SPATA31E1: variants seen among roughly 807,000 people sequenced by gnomAD.
SPATA31E1 encodes SPATA31 subfamily E member 1.
In SPATA31E1, 7 loss-of-function variants were observed where a neutral mutation model predicts 12.9. The observed-to-expected ratio is 0.54, with a 90% CI of 0.31 to 1.02. The LOEUF (loss-of-function observed/expected upper bound fraction) is 1.02. SPATA31E1 is among the 50% of genes least tolerant of loss of function. SPATA31E1 has a pLI of 0.05. For synonymous variants in SPATA31E1, 771 were observed against 719.0 expected (o/e 1.07, Z -1.16); for missense variants, 1,961 against 1,799.8 (o/e 1.09, Z -1.62).
Position 87,888,590 on chromosome 9 carries a change from G to T in SPATA31E1, c.4103G>T (p.Arg1368Leu). The T allele has an allele frequency of 6.2e-7, 1 of 1,614,102 alleles. No homozygotes were observed. The highest frequency in any genetic ancestry group is 8.5e-7 in the Non-Finnish European group (1 of 1,180,018). Residue 1368 changes from arginine to leucine, a missense_variant, in exon 4 of 4, where the codon CGT becomes CTT. Physicochemically the swap from Arg to Leu is moderately radical, Grantham distance 102 (BLOSUM62 -2). Coordinates refer to ENST00000325643, the MANE Select transcript of SPATA31E1 (RefSeq NM_178828.5). ...CACAGGGGTCACTGCCACCAAGAAC[G>T]TAGCAGAGAGATGAGAGCTCTGGCC... ...CCHRGHCHQE[R>L]SREMRALACS...
chr9:87,886,646 A>C lies in SPATA31E1; in HGVS notation c.2159A>C (p.Gln720Pro). 6.2e-7 allele frequency: 1 copy of C among 1,614,002 alleles called. No homozygotes were observed. Among genetic ancestry groups the C allele is most frequent in the Non-Finnish European group, 8.5e-7 (1 of 1,180,014 alleles). Residue 720 changes from glutamine to proline, a missense_variant, in exon 4 of 4, where the codon CAA becomes CCA. Physicochemically the swap from Gln to Pro is moderately conservative, Grantham distance 76. Coordinates refer to ENST00000325643, the MANE Select transcript of SPATA31E1 (RefSeq NM_178828.5). ...CTAGGGCCGGACCCAAGCCGGGATC[A>C]AGGCTCAGGAAGGACCTCAGTGAAG... ...SKLGPDPSRDQGSGRTSVKAL... is the reference protein window; with the variant it reads ...SKLGPDPSRDPGSGRTSVKAL...
Position 87,888,760 on chromosome 9 carries a change from A to G in SPATA31E1, c.4273A>G (p.Thr1425Ala), listed in dbSNP as rs760655884. 1.9e-6 allele frequency: 3 copies of G among 1,613,008 alleles called. No individual in the cohort carries two copies. The highest frequency in any genetic ancestry group is 2.5e-6 in the Non-Finnish European group (3 of 1,179,914). ...CCACCACAGGCCAAGAATGGCAAGC[A>G]CCTCGGGCGGCCCCCATCCACAGCT... ...PHHHRPRMAS[T>A]SGGPHPQLQE... Residue 1425 changes from threonine (T) to alanine (A), a missense_variant, in exon 4 of 4, where the codon ACC (threonine) becomes GCC (alanine). Coordinates refer to ENST00000325643, the MANE Select transcript of SPATA31E1 (RefSeq NM_178828.5).
At chr9:87,884,737 G>C in intron 3 of SPATA31E1, 86 bp downstream of exon 3, 1 of 1,558,426 alleles carries the variant, frequency 6.4e-7, no homozygotes, top group Non-Finnish European at 8.8e-7. Flanking sequence ...ATCTGGGAGG[G>C]GGAGGTCCCG....
chr9:87,887,596 A>C lies in SPATA31E1; in HGVS notation c.3109A>C (p.Lys1037Gln). Reference sequence around the variant, plus strand: ...GGCTGAAGATGCCCTGCAGGCACTGAAAGTGGGGGAGAAGCCCCCAACTTG... The same window carrying C: ...GGCTGAAGATGCCCTGCAGGCACTGCAAGTGGGGGAGAAGCCCCCAACTTG... ...ARAEDALQAL[K>Q]VGEKPPTWEV... Residue 1037 changes from lysine to glutamine, a missense_variant, in exon 4 of 4, where the codon AAA (lysine) becomes CAA (glutamine). By Grantham distance (53) the Lys-to-Gln change is moderately conservative. Coordinates refer to ENST00000325643, the MANE Select transcript of SPATA31E1 (RefSeq NM_178828.5). The C allele has an allele frequency of 3.1e-6, 5 of 1,614,144 alleles. No individual in the cohort carries two copies. The highest frequency in any genetic ancestry group is 4.2e-6 in the Non-Finnish European group (5 of 1,180,022).
rs368280913 is a variant in SPATA31E1, at chr9:87,884,066, C to T, written c.364+20C>T. On this transcript the variant is annotated intron_variant, in intron 2 of 3. Coordinates refer to ENST00000325643, the MANE Select transcript of SPATA31E1 (RefSeq NM_178828.5). ...TGAAAGGTGAGGCTCTGCTGCCCCC[C>T]GGGACTCCCCAGAGGTAACTGAGCT... 44 of 1,584,386 alleles carry T rather than the reference C, an allele frequency of 2.8e-5. No homozygotes were observed. In the Middle Eastern group the frequency reaches 5.0e-4, roughly 18 times the overall value.
Position 87,887,687 on chromosome 9 carries a change from C to G in SPATA31E1, c.3200C>G (p.Thr1067Arg), listed in dbSNP as rs774630183. 5 of 1,614,138 alleles carry G rather than the reference C, an allele frequency of 3.1e-6. No individual in the cohort carries two copies. The highest frequency in any genetic ancestry group is 1.1e-5 in the South Asian group (1 of 91,086). The stretch of plus-strand genomic sequence containing the variant: ...AGTGTTCAGGAGGATCTGAGGAGCA[C>G]AGGGGCTCTGGGGACCACTGGTAAC... ...SGSVQEDLRSTGALGTTGNPS... is the reference protein window; with the variant it reads ...SGSVQEDLRSRGALGTTGNPS... The change falls in exon 4 of 4, where the codon ACA (threonine) becomes AGA (arginine). Residue 1067 changes from threonine to arginine, a missense_variant. Thr to Arg is a moderately conservative substitution (Grantham distance 71). Coordinates refer to ENST00000325643, the MANE Select transcript of SPATA31E1 (RefSeq NM_178828.5).
chr9:87,883,168 C>A lies in SPATA31E1; in HGVS notation c.277C>A (p.Pro93Thr), dbSNP rs148296950. The A allele has an allele frequency of 1.1e-4, 169 of 1,584,532 alleles. No homozygotes were observed. The African/African-American group carries it at 2.1e-3, about 19-fold the overall frequency. ...LLYVHSDPPSPPPGRKRSSRE... is the reference protein window; with the variant it reads ...LLYVHSDPPSTPPGRKRSSRE... ...CTACGTCCACAGTGACCCACCCTCA[C>A]CCCCGCCCGGGAGGAAGAGGAGCAG... The change falls in exon 1 of 4, where the codon CCC becomes ACC. Residue 93 changes from proline (P) to threonine (T), a missense_variant. Pro to Thr is a conservative substitution (Grantham distance 38). Coordinates refer to ENST00000325643, the MANE Select transcript of SPATA31E1 (RefSeq NM_178828.5).
chr9:87,884,827 G>T, intron 3 of SPATA31E1, 86 bp from the exon 4 acceptor site: 1 of 1,486,702 alleles, frequency 6.7e-7, no homozygotes, highest in Non-Finnish European at 9.1e-7. Flanking sequence ...GGAGGTGGAG[G>T]AACCGGGGGC....
In SPATA31E1 at chr9:87,886,526, CT is replaced by C. The variant is rs770389501; in HGVS notation, c.2041del (p.Ser681LeufsTer28). On this transcript the variant is annotated frameshift_variant, in exon 4 of 4. Transcript: ENST00000325643. LOFTEE classifies it low-confidence loss of function (END_TRUNC). ...DTQQALLPSQ[P>X]SDFAGKGRKD... ...CAGCAGGCCCTCTTGCCCTCCCAGCCTTCTGACTTTGCAGGGAAGGGCAGGA... is the reference window on the plus strand; with the variant it reads ...CAGCAGGCCCTCTTGCCCTCCCAGCCTCTGACTTTGCAGGGAAGGGCAGGA... The C allele has an allele frequency of 8.7e-6, 14 of 1,613,906 alleles. No individual in the cohort carries two copies. The highest frequency in any genetic ancestry group is 1.0e-5 in the Non-Finnish European group (12 of 1,179,998).
At position 87,884,917 on chromosome 9, in the gene SPATA31E1, C is replaced by T. The variant is rs1406592942; in HGVS notation, c.430C>T (p.Leu144=). The T allele has an allele frequency of 6.2e-7, 1 of 1,605,206 alleles. No individual in the cohort carries two copies. The highest frequency in any genetic ancestry group is 8.5e-7 in the Non-Finnish European group (1 of 1,174,114). Residue 144 remains leucine, a synonymous_variant, in exon 4 of 4, where the codon CTG becomes TTG. Transcript: ENST00000325643. ...TGTGCCTCTTGTCTCCTGCAGCCAC[C>T]TGAGGAAGCTCGCTGGCGAAGGCAG... ...RDLNYLLESH[L]RKLAGEGSSH... is the part of the protein sequence containing the mutation.
Position 87,887,126 on chromosome 9 carries a change from C to A in SPATA31E1, c.2639C>A (p.Ser880Tyr). The A allele has an allele frequency of 6.2e-7, 1 of 1,614,126 alleles. No homozygotes were observed. The highest frequency in any genetic ancestry group is 8.5e-7 in the Non-Finnish European group (1 of 1,180,030). ...FPQSTFTPWA[S>Y]WVSRVESVPK... is the part of the protein sequence containing the mutation. The stretch of plus-strand genomic sequence containing the variant: ...CAATCCACCTTTACCCCCTGGGCCT[C>A]CTGGGTATCTCGGGTTGAATCTGTA... The change falls in exon 4 of 4, where the codon TCC becomes TAC. Residue 880 changes from serine (S) to tyrosine (Y), a missense_variant. Transcript: ENST00000325643.
rs1209079078 is a variant in SPATA31E1 at position 87,886,363 on chromosome 9, G to C, written c.1876G>C (p.Glu626Gln). 4 of 1,613,438 alleles carry C rather than the reference G, an allele frequency of 2.5e-6. No homozygotes were observed. In the South Asian group the frequency reaches 3.3e-5, roughly 13 times the overall value. The change falls in exon 4 of 4, where the codon GAG (glutamate) becomes CAG (glutamine). Residue 626 changes from glutamate to glutamine, a missense_variant. Transcript: ENST00000325643. Reference protein sequence around the residue: ...PGVVTSPELPEHWWQGRNAIH... With the variant: ...PGVVTSPELPQHWWQGRNAIH... ...GGTTGTCACCAGCCCTGAGCTCCCAGAGCACTGGTGGCAAGGAAGGAATGC... is the reference window on the plus strand; with the variant it reads ...GGTTGTCACCAGCCCTGAGCTCCCACAGCACTGGTGGCAAGGAAGGAATGC...
chr9:87,886,849 T>C lies in SPATA31E1; in HGVS notation c.2362T>C (p.Ser788Pro), dbSNP rs757594662. The C allele has an allele frequency of 6.2e-7, 1 of 1,614,132 alleles. No individual in the cohort carries two copies. ...EGWIPMPVRR[S>P]WLMAKCAVPK... Reference sequence around the variant, plus strand: ...CTGGATCCCCATGCCTGTGCGTCGCTCCTGGCTCATGGCCAAATGTGCTGT... The same window carrying C: ...CTGGATCCCCATGCCTGTGCGTCGCCCCTGGCTCATGGCCAAATGTGCTGT... Residue 788 changes from serine (S) to proline (P), a missense_variant, in exon 4 of 4, where the codon TCC becomes CCC. By Grantham distance (74) the Ser-to-Pro change is moderately conservative. Transcript: ENST00000325643.
chr9:87,884,673 T>A, intron 3 of SPATA31E1, 22 bp downstream of exon 3: 3 of 1,613,756 alleles, frequency 1.9e-6, no homozygotes, highest in Non-Finnish European at 2.5e-6. Flanking sequence ...CCCCCTTCTG[T>A]CCCTGTCCTC....
At position 87,886,198 on chromosome 9, in the gene SPATA31E1, T is replaced by C. The variant is rs776987907; in HGVS notation, c.1711T>C (p.Leu571=). The C allele has an allele frequency of 1.3e-5, 21 of 1,612,988 alleles. No homozygotes were observed. In the East Asian group the frequency reaches 4.7e-4, roughly 36 times the overall value. ...PTGKEYLEWP[L]KKRPKWKRVL... is the part of the protein sequence containing the mutation. ...TGGAAAGGAGTATCTTGAATGGCCCTTGAAGAAGCGACCAAAGTGGAAGAG... is the reference window on the plus strand; with the variant it reads ...TGGAAAGGAGTATCTTGAATGGCCCCTGAAGAAGCGACCAAAGTGGAAGAG... The change falls in exon 4 of 4, where the codon TTG becomes CTG. Residue 571 remains leucine, a synonymous_variant. Transcript: ENST00000325643.
At chr9:87,883,593 G>C (rs1828208876) in intron 1 of SPATA31E1, among the ~76,000 whole-genome samples, 1 of 152,154 alleles carries the variant, frequency 6.6e-6, no homozygotes, top group Non-Finnish European at 1.5e-5. Flanking sequence ...TCCCAGTAGA[G>C]CCTGGATTCG....
rs770022482 is a variant in SPATA31E1, at chr9:87,885,014, CG to C, written c.528del (p.His177MetfsTer31). 1 of 1,614,130 alleles carries C rather than the reference CG, an allele frequency of 6.2e-7. No individual in the cohort carries two copies. Among genetic ancestry groups the C allele is most frequent in the Non-Finnish European group, 8.5e-7 (1 of 1,180,008 alleles). ...CKPVPAKAHQ[P>X]HGKCMQDPSP... ...CCAGTGCCTGCTAAGGCCCACCAGCCGCATGGGAAATGCATGCAAGATCCGT... is the reference window on the plus strand; with the variant it reads ...CCAGTGCCTGCTAAGGCCCACCAGCCCATGGGAAATGCATGCAAGATCCGT... On this transcript the variant is annotated frameshift_variant, in exon 4 of 4. Coordinates refer to ENST00000325643, the MANE Select transcript of SPATA31E1 (RefSeq NM_178828.5). LOFTEE classifies it low-confidence loss of function (END_TRUNC).
In SPATA31E1 at chr9:87,886,118, G is replaced by C. The variant is rs1290006374; in HGVS notation, c.1631G>C (p.Gly544Ala). The C allele has an allele frequency of 3.1e-6, 5 of 1,603,522 alleles. No homozygotes were observed. Among genetic ancestry groups the C allele is most frequent in the African/African-American group, 1.3e-5 (1 of 74,678 alleles). ...LGCSSPPQIRGCGASYPTSQE... is the reference protein window; with the variant it reads ...LGCSSPPQIRACGASYPTSQE... Reference sequence around the variant, plus strand: ...TGCTCTTCTCCACCCCAGATTAGGGGCTGTGGGGCATCTTACCCTACATCC... The same window carrying C: ...TGCTCTTCTCCACCCCAGATTAGGGCCTGTGGGGCATCTTACCCTACATCC... Residue 544 changes from glycine to alanine, a missense_variant, in exon 4 of 4, where the codon GGC becomes GCC. Physicochemically the swap from Gly to Ala is moderately conservative, Grantham distance 60. Coordinates refer to ENST00000325643, the MANE Select transcript of SPATA31E1 (RefSeq NM_178828.5).
At chr9:87,883,241 T>C in intron 1 of SPATA31E1, 41 bp downstream of exon 1, 2 of 1,532,976 alleles carry the variant, frequency 1.3e-6, no homozygotes, top group Non-Finnish European at 1.8e-6. Context: ...AAAGATTCTC[T>C]CTTCTTTTCC....
Sources: gnomAD v4.1 joint callset for allele counts (sites outside exome capture counted in the v4.1 genomes callset) on GRCh38, gnomAD v4.1.1 for gene constraint, MANE v1.5 for transcripts, NCBI Gene and HGNC (gene_info 2026-07-23, HGNC 2026-07-21) for gene names.